The following COL22A1 variants were observed in gnomAD, a reference collection of about 807,000 sequenced individuals.
The protein encoded by COL22A1 is collagen alpha-1(XXII) chain.
Under a neutral mutation model 248.9 loss-of-function variants are expected in COL22A1, and 221 were observed. The ratio of observed to expected loss-of-function variants is 0.89; its 90% CI spans 0.80 to 0.99. The LOEUF (loss-of-function observed/expected upper bound fraction) is 0.99. Among genes scored for constraint, COL22A1 ranks in the 50% least tolerant of loss-of-function variants. The pLI is 0.00. For missense variants in COL22A1, 2,240 were observed against 2,179.0 expected (o/e 1.03, Z -0.56); for synonymous variants, 891 against 793.4 (o/e 1.12, Z -2.07).
intron 16 of COL22A1, among the ~76,000 whole-genome samples, chr8:138,766,893 T>C (rs1327711108): frequency 6.6e-6 from 1 of 152,236 alleles, no homozygotes; most frequent in East Asian, 1.9e-4. Context: ...TGATTGGGTT[T>C]GCCAGCTTTG....
At chr8:138,636,649 G>A (rs11166830) in intron 48 of COL22A1, 93 bp downstream of exon 48, 886,104 of 922,562 alleles carry the variant, frequency 0.96, 428,305 homozygotes, top group East Asian at 1. Context: ...AGGCAAAGAA[G>A]AGACAAGGAA....
chr8:138,784,611 A>G (rs374178778), intron 12 of COL22A1, among the ~76,000 whole-genome samples: 32 of 152,358 alleles, frequency 2.1e-4, no homozygotes, highest in African/African-American at 7.7e-4. Flanking sequence ...GGCAGAACCA[A>G]CAGTCAGAGT....
intron 56 of COL22A1, among the ~76,000 whole-genome samples, chr8:138,613,665 T>C (rs1292436593): frequency 8.5e-6 from 1 of 117,678 alleles, no homozygotes. Context: ...TATATTGTTG[T>C]GGGGGATGGT....
At chr8:138,659,935 G>A (rs760359508) in intron 44 of COL22A1, among the ~76,000 whole-genome samples, 8 of 152,202 alleles carry the variant, frequency 5.3e-5, no homozygotes, top group Admixed American at 1.3e-4. Flanking sequence ...GCTAGGAAAC[G>A]GGCAAGTTAG....
chr8:138,638,049 CATT>C (rs1587731740), intron 47 of COL22A1, among the ~76,000 whole-genome samples: 2 of 152,084 alleles, frequency 1.3e-5, no homozygotes, highest in South Asian at 2.1e-4. Context: ...TCATCATCAT[CATT>C]GTCATCATTA....
intron 35 of COL22A1, among the ~76,000 whole-genome samples, chr8:138,692,337 GAT>G (rs1491050442): frequency 3.3e-4 from 49 of 146,852 alleles, no homozygotes; most frequent in African/African-American, 1.2e-3. Context: ...CATGTTTGTG[GAT>G]GTGTGTATGT....
At chr8:138,590,748 A>G (rs542725063) in intron 64 of COL22A1, among the ~76,000 whole-genome samples, 60 of 152,316 alleles carry the variant, frequency 3.9e-4, no homozygotes, top group African/African-American at 1.4e-3. Context: ...TTCTACCTAT[A>G]CATCTAATTC....
At chr8:138,661,753 C>T (rs1224321175) in intron 43 of COL22A1, among the ~76,000 whole-genome samples, 2 of 152,084 alleles carry the variant, frequency 1.3e-5, no homozygotes, top group African/African-American at 2.4e-5. Context: ...AGACATTGAC[C>T]AAGAAATTAG....
intron 41 of COL22A1, among the ~76,000 whole-genome samples, chr8:138,672,416 G>A (rs1198575553): frequency 6.6e-6 from 1 of 152,006 alleles, no homozygotes; most frequent in East Asian, 1.9e-4. Flanking sequence ...ATTATTCCTT[G>A]GAAGGTGGGG....
At chr8:138,709,816 A>ATC (rs1246263391) in intron 30 of COL22A1, among the ~76,000 whole-genome samples, 1 of 152,198 alleles carries the variant, frequency 6.6e-6, no homozygotes, top group Non-Finnish European at 1.5e-5. Flanking sequence ...TTTCTTATCC[A>ATC]TCTTCCTGTT....
intron 4 of COL22A1, among the ~76,000 whole-genome samples, chr8:138,838,615 G>T (rs1388557756): frequency 7.1e-6 from 1 of 140,862 alleles, no homozygotes; most frequent in African/African-American, 2.6e-5. Flanking sequence ...ACAAAGAGTT[G>T]AATACAACAA....
intron 39 of COL22A1, 63 bp from the exon 40 acceptor site, chr8:138,679,739 A>C: frequency 6.8e-7 from 1 of 1,461,312 alleles, no homozygotes; most frequent in African/African-American, 1.4e-5. Flanking sequence ...CACCTAAAAT[A>C]ATTCAGCCCC....
At chr8:138,824,102 T>A (rs1305972259) in intron 6 of COL22A1, among the ~76,000 whole-genome samples, 3 of 152,190 alleles carry the variant, frequency 2.0e-5, no homozygotes, top group Non-Finnish European at 4.4e-5. Context: ...AATAGAAAAC[T>A]ATGAAACCCT....
Position 138,728,350 on chromosome 8 carries a change from G to A in COL22A1, c.2140-2910C>T, listed in dbSNP as rs565317200. Among the ~76,000 whole-genome samples the A allele has an allele frequency of 1.3e-4, 20 of 152,078 alleles. No individual in the cohort carries two copies. The East Asian group carries it at 3.5e-3, about 27-fold the overall frequency. ...TTTTACCTCAACACGGTCTTTGAGGGCCTCATAGCACCCCAAGCCCACAGA... is the reference window on the plus strand; with the variant it reads ...TTTTACCTCAACACGGTCTTTGAGGACCTCATAGCACCCCAAGCCCACAGA... On this transcript the variant is annotated intron_variant, in intron 23 of 64. Transcript: ENST00000303045.
intron 35 of COL22A1, among the ~76,000 whole-genome samples, chr8:138,691,527 G>A (rs1365023938): frequency 2.8e-5 from 1 of 35,702 alleles, no homozygotes; most frequent in African/African-American, 7.8e-5. Flanking sequence ...TTGTGAAGGT[G>A]TGTGTATGTG....
chr8:138,623,766 C>A lies in COL22A1; in HGVS notation c.3737G>T (p.Gly1246Val). ...AGGGGGACCCGGCTTTCCATCTCTG[C>A]CCTCTTTGCCTTCTTCTCCCTGCAA... The part of the protein sequence containing the change: ...PGIPGEEGKE[G>V]RDGKPGPPGE... Residue 1246 changes from glycine (G) to valine (V), a missense_variant, in exon 52 of 65, where the codon GGC becomes GTC. Physicochemically the swap from Gly to Val is moderately radical, Grantham distance 109 (BLOSUM62 -3). Coordinates refer to ENST00000303045, the MANE Select transcript of COL22A1 (RefSeq NM_152888.3). 6.2e-7 allele frequency: 1 copy of A among 1,612,706 alleles called. No individual in the cohort carries two copies. The highest frequency in any genetic ancestry group is 8.5e-7 in the Non-Finnish European group (1 of 1,179,386).
At chr8:138,601,941 C>T (rs919403148) in intron 60 of COL22A1, among the ~76,000 whole-genome samples, 174 bp downstream of exon 60, 2 of 152,154 alleles carry the variant, frequency 1.3e-5, no homozygotes, top group Non-Finnish European at 2.9e-5. Flanking sequence ...GGAAAAGAAC[C>T]TCCCTTTGTG....
At chr8:138,804,356 G>A (rs950651201) in intron 10 of COL22A1, among the ~76,000 whole-genome samples, 4 of 152,182 alleles carry the variant, frequency 2.6e-5, no homozygotes, top group Admixed American at 2.0e-4. Flanking sequence ...CAGGTCTCCA[G>A]GTGGCTGCAT....
intron 30 of COL22A1, among the ~76,000 whole-genome samples, chr8:138,705,256 C>A (rs1287469984): frequency 6.6e-6 from 1 of 152,106 alleles, no homozygotes; most frequent in Non-Finnish European, 1.5e-5. Flanking sequence ...GGCAGGCCAA[C>A]GTTCAAATTC....
Sources: allele counts gnomAD v4.1 joint callset (sites outside exome capture counted in the v4.1 genomes callset), GRCh38; gene constraint gnomAD v4.1.1; transcripts MANE v1.5; gene names NCBI Gene and HGNC (gene_info 2026-07-23, HGNC 2026-07-21).